Variants in ORAI2 observed in about 807,000 individuals in gnomAD.
ORAI2 encodes the protein protein orai-2.
ORAI2 carries 10 observed loss-of-function variants against 16.2 expected under a neutral mutation model. The observed-to-expected ratio is 0.62, with a 90% CI of 0.38 to 1.04. The LOEUF (loss-of-function observed/expected upper bound fraction) is 1.04, where lower values mean the gene tolerates loss of function less well. ORAI2 is among the 50% of genes least tolerant of loss of function. The pLI, the probability that ORAI2 is intolerant of heterozygous loss-of-function variation, is 0.01. For synonymous variants in ORAI2, 150 were observed against 157.5 expected, an observed-to-expected ratio of 0.95 and a Z score of 0.35; for missense variants, 238 against 355.5, an observed-to-expected ratio of 0.67 and a Z score of 2.66.
Position 102,448,716 on chromosome 7 carries a change from C to CAA in ORAI2, c.*1679_*1680dup, listed in dbSNP as rs11303680. ...TGGGCGACAGAGCCAGACTCCATCTCAAAAAAAAAAAAAAAATTAGCCGGG... is the reference window on the plus strand; with the variant it reads ...TGGGCGACAGAGCCAGACTCCATCTCAAAAAAAAAAAAAAAAAATTAGCCGGG... On this transcript the variant is annotated 3_prime_UTR_variant, in exon 4 of 4. Transcript: ENST00000495936. 38 of 107,696 alleles carry CAA rather than the reference C, an allele frequency of 3.5e-4. No homozygotes were observed. The highest frequency in any genetic ancestry group is 1.2e-3 in the African/African-American group (36 of 29,688). The allele number at this position is 107,696 out of a possible 1,614,324, so 6.7% of individuals were successfully genotyped here. A position where few individuals can be genotyped will look rare whatever the true frequency, so the allele number is the denominator to read the frequency against.
chr7:102,456,251 CTTT>C lies in ORAI2; in HGVS notation c.*9201_*9203del, dbSNP rs1227253608. 1.3e-5 allele frequency: 2 copies of C among 153,004 alleles called. No individual in the cohort carries two copies. The highest frequency in any genetic ancestry group is 2.9e-5 in the Non-Finnish European group (2 of 67,936). 9.5% of individuals were successfully genotyped at this position (153,004 alleles called of 1,614,324 possible). ...GAGGTGAGGAGCTTTTTTTGTTTTC[CTTT>C]TATTTATTTTAGGGACAGGGTCTTG... On this transcript the variant is annotated 3_prime_UTR_variant, in exon 4 of 4. Transcript: ENST00000495936.
At chr7:102,435,085 C>T (rs1335047174) in intron 1 of ORAI2, among the ~76,000 whole-genome samples, 1 of 152,144 alleles carries the variant, frequency 6.6e-6, no homozygotes, top group Admixed American at 6.6e-5. Context: ...GCCTGGCCAA[C>T]ATAGCAAAAC....
In ORAI2 at chr7:102,433,642, G is replaced by C. The variant is rs1437961109; in HGVS notation, c.-142G>C. ...GCAGTCCGAGCGGGAGCCGAGCCGG[G>C]CGGGGCGAGGGCAGCTCCGGTGAGT... On this transcript the variant is annotated 5_prime_UTR_variant, in exon 1 of 4. Transcript: ENST00000495936. The surrounding 1 kb of genome is among the most constrained non-coding windows in gnomAD (Gnocchi z 4.6). 6.6e-5 allele frequency: 10 copies of C among 151,686 alleles called. No individual in the cohort carries two copies. The highest frequency in any genetic ancestry group is 2.4e-4 in the African/African-American group (10 of 41,334). 9.4% of individuals were successfully genotyped at this position (151,686 alleles called of 1,614,324 possible).
At chr7:102,443,561 G>C (rs1164104096) in intron 3 of ORAI2, among the ~76,000 whole-genome samples, 1 of 151,898 alleles carries the variant, frequency 6.6e-6, no homozygotes, top group Non-Finnish European at 1.5e-5. Context: ...CCTTTGAGGT[G>C]ACCATAGCCA....
intron 2 of ORAI2, 130 bp downstream of exon 2, chr7:102,436,463 C>T (rs1308099123): frequency 2.2e-6 from 1 of 454,600 alleles, no homozygotes; most frequent in Non-Finnish European, 2.9e-6. Flanking sequence ...CCTCCAGCAC[C>T]TTCCTGCGTA....
intron 3 of ORAI2, among the ~76,000 whole-genome samples, chr7:102,445,901 C>G (rs12537874): frequency 7.4e-6 from 1 of 135,774 alleles, no homozygotes; most frequent in Non-Finnish European, 1.6e-5. Flanking sequence ...TTCTCTCTTT[C>G]TCTTTCTCTC....
chr7:102,447,066 G>A lies in ORAI2; in HGVS notation c.*14G>A, dbSNP rs1014632748. On this transcript the variant is annotated 3_prime_UTR_variant, in exon 4 of 4. Coordinates refer to ENST00000495936, the MANE Select transcript of ORAI2 (RefSeq NM_001126340.3). Reference sequence around the variant, plus strand: ...CAGGTCTTGTGAGGGGCCGAGGGCCGGGGCTGGGAGCGGCCCTGTGCCCGG... The same window carrying A: ...CAGGTCTTGTGAGGGGCCGAGGGCCAGGGCTGGGAGCGGCCCTGTGCCCGG... The A allele has an allele frequency of 5.2e-5, 79 of 1,515,356 alleles. No homozygotes were observed. The highest frequency in any genetic ancestry group is 6.7e-5 in the Non-Finnish European group (76 of 1,135,306). 93.9% of individuals were successfully genotyped at this position (1,515,356 alleles called of 1,614,324 possible).
At chr7:102,445,472 C>T (rs950725452) in intron 3 of ORAI2, among the ~76,000 whole-genome samples, 3 of 151,640 alleles carry the variant, frequency 2.0e-5, no homozygotes, top group Admixed American at 6.6e-5. Flanking sequence ...TTTGTAGAGA[C>T]GAGGTCTCAC....
rs1797478001 is a variant in ORAI2, at chr7:102,449,783, G to A, written c.*2731G>A. On this transcript the variant is annotated 3_prime_UTR_variant, in exon 4 of 4. Coordinates refer to ENST00000495936, the MANE Select transcript of ORAI2 (RefSeq NM_001126340.3). The stretch of plus-strand genomic sequence containing the variant: ...AGTTCCAGCTACTTGGGAGGCTGAG[G>A]TGGGAGGATTGCTTGAGCCTGGGAA... 2 of 152,340 alleles carry A rather than the reference G, an allele frequency of 1.3e-5. No individual in the cohort carries two copies. The highest frequency in any genetic ancestry group is 4.8e-5 in the African/African-American group (2 of 41,432). The allele number at this position is 152,340 out of a possible 1,614,324, so 9.4% of individuals were successfully genotyped here.
intron 2 of ORAI2, among the ~76,000 whole-genome samples, chr7:102,436,860 G>T (rs1318443109): frequency 6.6e-6 from 1 of 152,080 alleles, no homozygotes; most frequent in Non-Finnish European, 1.5e-5. Context: ...ACAGGAGCCC[G>T]CCACCACACC....
At position 102,447,028 on chromosome 7, in the gene ORAI2, T is replaced by C. The variant is rs1353331762; in HGVS notation, c.741T>C (p.His247=). The C allele has an allele frequency of 1.9e-5, 30 of 1,554,006 alleles. 1 individual carries two copies. In the East Asian group the frequency reaches 6.0e-4, roughly 31 times the overall value. Reference sequence around the variant, plus strand: ...AGCTCAAGGTCCAGCTGGACGGGCATGAGCGCAGCCTGCAGGTCTTGTGAG... The same window carrying C: ...AGCTCAAGGTCCAGCTGGACGGGCACGAGCGCAGCCTGCAGGTCTTGTGAG... ...LHKLKVQLDG[H]ERSLQVL Residue 247 remains histidine (H), a synonymous_variant, in exon 4 of 4, where the codon CAT becomes CAC. Coordinates refer to ENST00000495936, the MANE Select transcript of ORAI2 (RefSeq NM_001126340.3).
chr7:102,446,484 C>A, intron 3 of ORAI2, 29 bp from the exon 4 acceptor site: 1 of 1,582,272 alleles, frequency 6.3e-7, no homozygotes, highest in South Asian at 1.2e-5. Flanking sequence ...CTCTCCACAC[C>A]CAGCACCACT....
rs1055285588 is a variant in ORAI2 at position 102,446,973 on chromosome 7, G to A, written c.686G>A (p.Arg229His). Reference sequence around the variant, plus strand: ...TCCCTGGTGCGCCACAAAACGGAGCGCCACAACCGCGAGATCGAGGAGCTC... The same window carrying A: ...TCCCTGGTGCGCCACAAAACGGAGCACCACAACCGCGAGATCGAGGAGCTC... ...YRSLVRHKTE[R>H]HNREIEELHK... Residue 229 changes from arginine (R) to histidine (H), a missense_variant, in exon 4 of 4, where the codon CGC becomes CAC. By Grantham distance (29) the Arg-to-His change is conservative. This residue lies in a region of ORAI2 where 176 missense variants were observed against 265.9 expected (regional missense o/e 0.66). Coordinates refer to ENST00000495936, the MANE Select transcript of ORAI2 (RefSeq NM_001126340.3). 13 of 1,606,370 alleles carry A rather than the reference G, an allele frequency of 8.1e-6. No homozygotes were observed. The highest frequency in any genetic ancestry group is 2.2e-5 in the East Asian group (1 of 44,588).
chr7:102,439,971 A>G (rs1797153287), intron 3 of ORAI2, among the ~76,000 whole-genome samples: 1 of 152,092 alleles, frequency 6.6e-6, no homozygotes, highest in African/African-American at 2.4e-5. Flanking sequence ...AATCCCAGCT[A>G]CTTGGGAGGC....
chr7:102,438,884 C>T, intron 2 of ORAI2, 60 bp from the exon 3 acceptor site: 1 of 1,521,676 alleles, frequency 6.6e-7, no homozygotes, highest in Admixed American at 1.7e-5. Flanking sequence ...GGCTTGGAGT[C>T]TAGCTCTTCC....
At chr7:102,435,739 A>G (rs1011037320) in intron 1 of ORAI2, among the ~76,000 whole-genome samples, 4 of 151,702 alleles carry the variant, frequency 2.6e-5, no homozygotes, top group Admixed American at 1.3e-4. Flanking sequence ...GGATCAGGCA[A>G]TTCTCCTGCC....
intron 2 of ORAI2, among the ~76,000 whole-genome samples, chr7:102,437,122 T>A (rs966693618): frequency 6.6e-6 from 1 of 152,206 alleles, no homozygotes; most frequent in Non-Finnish European, 1.5e-5. Context: ...GTCCTTCTGA[T>A]GTTTAATCCG....
intron 3 of ORAI2, 128 bp downstream of exon 3, chr7:102,439,309 TC>T: frequency 2.7e-6 from 2 of 751,444 alleles, no homozygotes; most frequent in Non-Finnish European, 2.2e-6. Flanking sequence ...GTAGGAAGCA[TC>T]CACCCACGTC....
chr7:102,446,138 A>C (rs562381908), intron 3 of ORAI2, among the ~76,000 whole-genome samples: 1 of 151,984 alleles, frequency 6.6e-6, no homozygotes, highest in African/African-American at 2.4e-5. Flanking sequence ...TAGTAGAGAC[A>C]GGGTTTCACC....
Sources: allele counts gnomAD v4.1 joint callset (sites outside exome capture counted in the v4.1 genomes callset), GRCh38; gene constraint gnomAD v4.1.1; regional missense constraint gnomAD v4.1.1; non-coding constraint Gnocchi (gnomAD v3.1); transcripts MANE v1.5; gene names NCBI Gene and HGNC (gene_info 2026-07-23, HGNC 2026-07-21).